TJP3: variants seen among roughly 807,000 people sequenced by gnomAD.
TJP3 encodes tight junction protein 3.
In TJP3, 85 loss-of-function variants were observed where a neutral mutation model predicts 104.2. The ratio of observed to expected loss-of-function variants is 0.82; its 90% CI spans 0.68 to 0.98. The LOEUF is 0.98. Ranked by LOEUF, TJP3 falls within the 50% of genes least tolerant of loss-of-function variation. TJP3 has a pLI of 0.00. For synonymous variants in TJP3, 550 were observed against 550.6 expected (o/e 1.00, Z 0.02); for missense variants, 1,367 against 1,322.8 (o/e 1.03, Z -0.52).
intron 19 of TJP3, among the ~76,000 whole-genome samples, chr19:3,749,194 G>A (rs1028124544): frequency 6.6e-6 from 1 of 152,092 alleles, no homozygotes; most frequent in African/African-American, 2.4e-5. Flanking sequence ...ACCTCTCTGT[G>A]CACCTGTTTC....
At chr19:3,747,459 C>T (rs867040238) in intron 18 of TJP3, among the ~76,000 whole-genome samples, 1 of 152,008 alleles carries the variant, frequency 6.6e-6, no homozygotes, top group Admixed American at 6.6e-5. Context: ...CACTTGAACC[C>T]GGGAGGCAGA....
chr19:3,712,044 G>A (rs893241603), intron 1 of TJP3, among the ~76,000 whole-genome samples: 16 of 152,098 alleles, frequency 1.1e-4, no homozygotes, highest in African/African-American at 3.1e-4. Flanking sequence ...GACCAGACAC[G>A]GTGGCTCACG....
At chr19:3,723,808 A>ATATATAT (rs1555737859) in intron 1 of TJP3, among the ~76,000 whole-genome samples, 13 of 128,936 alleles carry the variant, frequency 1.0e-4, no homozygotes, top group Admixed American at 8.7e-4. Flanking sequence ...AAAAAAAAAA[A>ATATATAT]ATATATATAT....
intron 1 of TJP3, among the ~76,000 whole-genome samples, chr19:3,727,191 A>G (rs2036606897): frequency 6.6e-6 from 1 of 151,850 alleles, no homozygotes; most frequent in Non-Finnish European, 1.5e-5. Flanking sequence ...TAAATGAGAT[A>G]GTACATGTAA....
chr19:3,728,325 C>T (rs1370739950), intron 1 of TJP3, 99 bp from the exon 2 acceptor site: 2 of 1,585,672 alleles, frequency 1.3e-6, no homozygotes, highest in South Asian at 1.1e-5. Context: ...CAAACACAGG[C>T]CTGTCAGAGC....
chr19:3,737,605 T>G (rs1346266004), intron 11 of TJP3, among the ~76,000 whole-genome samples: 1 of 152,078 alleles, frequency 6.6e-6, no homozygotes, highest in Non-Finnish European at 1.5e-5. Flanking sequence ...TTGCGCGAGT[T>G]CACTCACCAA....
At chr19:3,737,564 C>T (rs551238478) in intron 11 of TJP3, among the ~76,000 whole-genome samples, 2 of 152,188 alleles carry the variant, frequency 1.3e-5, no homozygotes, top group South Asian at 4.2e-4. Context: ...GTCCTTGCCT[C>T]ATCTCATCCC....
At position 3,746,562 on chromosome 19, in the gene TJP3, C is replaced by A; in HGVS notation, c.2088C>A (p.Val696=). ...ATGTGCAGTACTACCCCATTGTGGT[C>A]TTCTTCATCCCCGAGAGCCGGCCGG... is the stretch of plus-strand genomic sequence containing the variant. ...LNYVQYYPIV[V]FFIPESRPAL... is the part of the protein sequence containing the mutation. Residue 696 remains valine (V), a synonymous_variant, in exon 17 of 21, where the codon GTC becomes GTA. Coordinates refer to ENST00000541714, the MANE Select transcript of TJP3 (RefSeq NM_001267560.2). This position sits in a 1 kb window ranked among gnomAD's most constrained non-coding sequence, Gnocchi z 4.1. 6.2e-7 allele frequency: 1 copy of A among 1,614,054 alleles called. No homozygotes were observed.
At position 3,737,169 on chromosome 19, in the gene TJP3, T is replaced by C. The variant is rs1284138474; in HGVS notation, c.1284+848T>C. On this transcript the variant is annotated intron_variant, in intron 11 of 20. Transcript: ENST00000541714. ...TGCTGAGATTATAAGCTTGAGACAC[T>C]GTGCTCAAGATTGGGAACAACAATC... Among the ~76,000 whole-genome samples, 7 of 152,094 alleles carry C rather than the reference T, an allele frequency of 4.6e-5. 1 individual carries two copies. The highest frequency in any genetic ancestry group is 1.7e-4 in the African/African-American group (7 of 41,436).
At chr19:3,738,278 C>T (rs1004086362) in intron 11 of TJP3, among the ~76,000 whole-genome samples, 40 of 152,326 alleles carry the variant, frequency 2.6e-4, no homozygotes, top group African/African-American at 9.4e-4. Flanking sequence ...TATTGACAAC[C>T]CACCATGATT....
rs2036653275 is a variant in TJP3 at position 3,730,395 on chromosome 19, A to C, written c.302A>C (p.Lys101Thr). The C allele has an allele frequency of 1.9e-6, 3 of 1,561,510 alleles. No individual in the cohort carries two copies. Among genetic ancestry groups the C allele is most frequent in the Non-Finnish European group, 2.6e-6 (3 of 1,156,348 alleles). The change falls in exon 5 of 21, where the codon AAA becomes ACA. Residue 101 changes from lysine (K) to threonine (T), a missense_variant. Transcript: ENST00000541714. The surrounding 1 kb of genome is among the most constrained non-coding windows in gnomAD (Gnocchi z 7.3). ...RPRRIHLPAT[K>T]ASPSSPGRQD... ...CGGAGGATCCACCTGCCCGCCACCAAAGCCAGCCCCTCCAGCCCAGGGCGC... is the reference window on the plus strand; with the variant it reads ...CGGAGGATCCACCTGCCCGCCACCACAGCCAGCCCCTCCAGCCCAGGGCGC...
intron 14 of TJP3, chr19:3,743,523 G>T (rs2036849061): frequency 6.1e-6 from 1 of 164,902 alleles, no homozygotes; most frequent in African/African-American, 2.4e-5. Flanking sequence ...AGGACATAAA[G>T]AAATGGTTGT....
At chr19:3,733,947 T>C (rs1353092717) in intron 7 of TJP3, 35 bp downstream of exon 7, 4 of 1,602,398 alleles carry the variant, frequency 2.5e-6, no homozygotes, top group Admixed American at 1.7e-5. Flanking sequence ...GGGAGGGGGT[T>C]GAATGGATGG....
In TJP3 at chr19:3,746,588, C is replaced by T. The variant is rs2036893474; in HGVS notation, c.2114C>T (p.Ala705Val). 3.7e-6 allele frequency: 6 copies of T among 1,613,776 alleles called. No homozygotes were observed. In the African/African-American group the frequency reaches 5.3e-5, roughly 14 times the overall value. The change falls in exon 17 of 21, where the codon GCC becomes GTC. Residue 705 changes from alanine to valine, a missense_variant. Ala to Val is a moderately conservative substitution (Grantham distance 64, BLOSUM62 0). Transcript: ENST00000541714. This position sits in a 1 kb window ranked among gnomAD's most constrained non-coding sequence, Gnocchi z 4.1. Reference protein sequence around the residue: ...VVFFIPESRPALKALRQWLAP... With the variant: ...VVFFIPESRPVLKALRQWLAP... The stretch of plus-strand genomic sequence containing the variant: ...TTCTTCATCCCCGAGAGCCGGCCGG[C>T]CCTCAAGGCACTGCGCCAGTGGCTG...
Position 3,728,428 on chromosome 19 carries a change from C to A in TJP3, c.-5C>A. The A allele has an allele frequency of 6.2e-7, 1 of 1,614,166 alleles. No homozygotes were observed. The highest frequency in any genetic ancestry group is 1.3e-5 in the African/African-American group (1 of 75,064). ...TTCCCCGCTCCCCTCGACCAGGTGG[C>A]TGACATGGAGGAGCTGACCATCTGG... On this transcript the variant is annotated 5_prime_UTR_variant, in exon 2 of 21. The change creates a new upstream start codon in the 5' untranslated region. Coordinates refer to ENST00000541714, the MANE Select transcript of TJP3 (RefSeq NM_001267560.2).
intron 11 of TJP3, among the ~76,000 whole-genome samples, chr19:3,737,585 C>T (rs567857977): frequency 1.3e-5 from 2 of 152,210 alleles, no homozygotes; most frequent in East Asian, 3.9e-4. Flanking sequence ...CAGGCTGTCT[C>T]CCCTGTCCCT....
intron 1 of TJP3, among the ~76,000 whole-genome samples, chr19:3,711,734 T>TAA (rs1460170844): frequency 6.2e-5 from 1 of 16,124 alleles, no homozygotes. Context: ...CTACTAAAAG[T>TAA]ACAAAAAAAA....
At chr19:3,724,332 A>G (rs1213586620) in intron 1 of TJP3, among the ~76,000 whole-genome samples, 3 of 151,838 alleles carry the variant, frequency 2.0e-5, no homozygotes, top group Non-Finnish European at 2.9e-5. Context: ...AGTAGCTGGG[A>G]CTACAGGCGC....
At chr19:3,729,563 C>T (rs1035257813) in intron 3 of TJP3, among the ~76,000 whole-genome samples, 7 of 151,964 alleles carry the variant, frequency 4.6e-5, no homozygotes, top group Admixed American at 3.9e-4. Context: ...GGCGGATTAC[C>T]TGAGGTCAGG....
Sources: gnomAD v4.1 joint callset for allele counts (sites outside exome capture counted in the v4.1 genomes callset) on GRCh38, gnomAD v4.1.1 for gene constraint, Gnocchi (gnomAD v3.1) non-coding constraint, MANE v1.5 for transcripts, NCBI Gene and HGNC (gene_info 2026-07-23, HGNC 2026-07-21) for gene names.